DNM3: variants seen among roughly 807,000 people sequenced by gnomAD.
DNM3 encodes the protein dynamin-3.
Under a neutral mutation model 101.6 loss-of-function variants are expected in DNM3, and 47 were observed. The observed-to-expected ratio is 0.46, with a 90% confidence interval of 0.37 to 0.59. DNM3 has a LOEUF of 0.59. DNM3 is among the 20% of genes least tolerant of loss of function. The pLI, the probability that DNM3 is intolerant of heterozygous loss-of-function variation, is 0.00. For missense variants in DNM3, 849 were observed against 1,085.7 expected (o/e 0.78, Z 3.06); for synonymous variants, 385 against 387.9 (o/e 0.99, Z 0.09).
At chr1:172,031,527 T>A (rs1169867368) in intron 4 of DNM3, among the ~76,000 whole-genome samples, 1 of 152,114 alleles carries the variant, frequency 6.6e-6, no homozygotes, top group Non-Finnish European at 1.5e-5. Context: ...ATGTAACAGA[T>A]CTACACATTC....
At chr1:172,061,204 G>T (rs927870836) in intron 10 of DNM3, among the ~76,000 whole-genome samples, 2 of 151,062 alleles carry the variant, frequency 1.3e-5, no homozygotes, top group African/African-American at 4.9e-5. Context: ...AACAACAGGT[G>T]CTGGAGAAGA....
At chr1:172,147,955 TC>T (rs1161455677) in intron 14 of DNM3, among the ~76,000 whole-genome samples, 1 of 152,156 alleles carries the variant, frequency 6.6e-6, no homozygotes, top group Non-Finnish European at 1.5e-5. Context: ...CGTATTTGTT[TC>T]TTATAATAAT....
chr1:171,918,406 A>T (rs1352858880), intron 1 of DNM3, among the ~76,000 whole-genome samples: 2 of 152,078 alleles, frequency 1.3e-5, no homozygotes, highest in East Asian at 3.9e-4. Context: ...TCATTCGAGG[A>T]CTCATCTCCT....
intron 14 of DNM3, among the ~76,000 whole-genome samples, chr1:172,204,631 T>G (rs1376980568): frequency 6.6e-6 from 1 of 152,194 alleles, no homozygotes; most frequent in Non-Finnish European, 1.5e-5. Flanking sequence ...TCTCCCAAAC[T>G]ACACGTCCTC....
intron 13 of DNM3, among the ~76,000 whole-genome samples, chr1:172,098,918 C>T (rs561283632): frequency 1.3e-5 from 2 of 152,292 alleles, no homozygotes; most frequent in Admixed American, 6.5e-5. Flanking sequence ...GATAGTTGGA[C>T]TGTGGAAGGT....
rs1553394385 is a variant in DNM3 at position 172,145,300 on chromosome 1, T to TTCTG, written c.1659+14036_1659+14039dup. Among the ~76,000 whole-genome samples the TTCTG allele has an allele frequency of 2.5e-3, 375 of 150,892 alleles. 2 individuals are homozygous for TTCTG. The highest frequency in any genetic ancestry group is 0.017 in the Middle Eastern group (5 of 292). On this transcript the variant is annotated intron_variant, in intron 14 of 20. Transcript: ENST00000627582. The stretch of plus-strand genomic sequence containing the variant: ...CACTCGTCAAAAAGGGCAGATAAGT[T>TTCTG]TCTGTCTGTCTGTCTGTCTGTCTGT...
At chr1:172,297,558 C>A (rs1347920463) in intron 15 of DNM3, among the ~76,000 whole-genome samples, 6 of 151,992 alleles carry the variant, frequency 3.9e-5, no homozygotes, top group Non-Finnish European at 8.8e-5. Context: ...TTTTAAAAAT[C>A]ATTTTATAAT....
At chr1:171,938,800 T>C (rs2041622842) in intron 2 of DNM3, among the ~76,000 whole-genome samples, 1 of 152,210 alleles carries the variant, frequency 6.6e-6, no homozygotes, top group African/African-American at 2.4e-5. Context: ...GTTCACTTTC[T>C]GAAATCTTAT....
At chr1:171,982,485 G>C (rs1391512171) in intron 2 of DNM3, among the ~76,000 whole-genome samples, 1 of 152,098 alleles carries the variant, frequency 6.6e-6, no homozygotes, top group Non-Finnish European at 1.5e-5. Context: ...TTTTCCAGGA[G>C]GCTCTTTGGT....
intron 12 of DNM3, among the ~76,000 whole-genome samples, chr1:172,085,652 C>T (rs2053479156): frequency 6.6e-6 from 1 of 152,102 alleles, no homozygotes; most frequent in African/African-American, 2.4e-5. Context: ...GTGCAGATTT[C>T]AGTTCTTGTT....
chr1:172,097,134 A>T (rs2054297632), intron 13 of DNM3, among the ~76,000 whole-genome samples: 1 of 152,012 alleles, frequency 6.6e-6, no homozygotes, highest in Non-Finnish European at 1.5e-5. Context: ...GGGCACGGTG[A>T]CTTATGCCTG....
At chr1:171,892,173 G>GTT (rs913586894) in intron 1 of DNM3, among the ~76,000 whole-genome samples, 5 of 152,012 alleles carry the variant, frequency 3.3e-5, no homozygotes, top group Non-Finnish European at 5.9e-5. Flanking sequence ...GTGTGTGTGT[G>GTT]CGTGTGTGTG....
intron 4 of DNM3, among the ~76,000 whole-genome samples, chr1:172,023,570 T>C (rs1291474537): frequency 6.6e-6 from 1 of 152,178 alleles, no homozygotes; most frequent in Non-Finnish European, 1.5e-5. Context: ...TTAACTTCTC[T>C]GGAAACTTTT....
At chr1:172,251,566 C>A (rs960738423) in intron 14 of DNM3, among the ~76,000 whole-genome samples, 68 of 152,122 alleles carry the variant, frequency 4.5e-4, no homozygotes, top group African/African-American at 1.6e-3. Context: ...TTTTCATGTT[C>A]CCCAGGCTGC....
At chr1:172,080,331 G>A (rs2053038602) in intron 11 of DNM3, among the ~76,000 whole-genome samples, 1 of 152,156 alleles carries the variant, frequency 6.6e-6, no homozygotes, top group Non-Finnish European at 1.5e-5. Context: ...CCAGAGAGGA[G>A]GAACCTAGGG....
At chr1:171,961,277 A>G (rs2043193761) in intron 2 of DNM3, among the ~76,000 whole-genome samples, 1 of 152,124 alleles carries the variant, frequency 6.6e-6, no homozygotes, top group Non-Finnish European at 1.5e-5. Flanking sequence ...AGGAAGAGGT[A>G]GAGGGCGGAA....
In DNM3 at chr1:172,408,075, A is replaced by G; in HGVS notation, c.*234A>G. The G allele has an allele frequency of 7.4e-7, 1 of 1,351,820 alleles. No homozygotes were observed. The highest frequency in any genetic ancestry group is 9.5e-7 in the Non-Finnish European group (1 of 1,049,056). 83.7% of individuals were successfully genotyped at this position (1,351,820 alleles called of 1,614,324 possible). On this transcript the variant is annotated 3_prime_UTR_variant, in exon 21 of 21. Coordinates refer to ENST00000627582, the MANE Select transcript of DNM3 (RefSeq NM_015569.5). ...CTTTATATGTTGTACTGACCAAGGTAGGTTTGTATAGCAGCCCTATACTTT... is the reference window on the plus strand; with the variant it reads ...CTTTATATGTTGTACTGACCAAGGTGGGTTTGTATAGCAGCCCTATACTTT...
At chr1:172,192,610 A>G (rs1049917390) in intron 14 of DNM3, among the ~76,000 whole-genome samples, 1 of 146,092 alleles carries the variant, frequency 6.8e-6, no homozygotes, top group African/African-American at 2.5e-5. Context: ...CCCACCTATG[A>G]GTGAGAATGT....
At chr1:172,315,568 C>T (rs926336532) in intron 16 of DNM3, among the ~76,000 whole-genome samples, 46 of 152,188 alleles carry the variant, frequency 3.0e-4, no homozygotes, top group African/African-American at 4.1e-4. Context: ...TGAAAGCCAA[C>T]GCTCGAGAAC....
Sources: allele counts gnomAD v4.1 joint callset (sites outside exome capture counted in the v4.1 genomes callset), GRCh38; gene constraint gnomAD v4.1.1; transcripts MANE v1.5; gene names NCBI Gene and HGNC (gene_info 2026-07-23, HGNC 2026-07-21).